The following PTPRG variants were observed in gnomAD, a reference collection of about 807,000 sequenced individuals.
PTPRG encodes receptor-type tyrosine-protein phosphatase gamma.
A neutral mutation model predicts 165.3 loss-of-function variants in PTPRG; 102 were observed. The observed-to-expected ratio is 0.62, with a 90% CI of 0.53 to 0.73. The LOEUF (loss-of-function observed/expected upper bound fraction) is 0.73. Among genes scored for constraint, PTPRG ranks in the 30% least tolerant of loss-of-function variants. The pLI is 0.00. For missense variants in PTPRG, 1,866 were observed against 1,861.4 expected (o/e 1.00, Z -0.05); for synonymous variants, 675 against 669.5 (o/e 1.01, Z -0.13).
intron 2 of PTPRG, among the ~76,000 whole-genome samples, chr3:61,958,448 A>G (rs143874647): frequency 6.6e-6 from 1 of 152,166 alleles, no homozygotes; most frequent in East Asian, 1.9e-4. Context: ...ATTATCTTGA[A>G]TCGGGTAAAA....
At chr3:62,159,931 A>G (rs1704683642) in intron 7 of PTPRG, among the ~76,000 whole-genome samples, 1 of 152,188 alleles carries the variant, frequency 6.6e-6, no homozygotes, top group Non-Finnish European at 1.5e-5. Flanking sequence ...CCATCCAAGT[A>G]TTATCGCTTC....
chr3:61,577,596 A>T (rs1244373399), intron 1 of PTPRG, among the ~76,000 whole-genome samples: 1 of 152,256 alleles, frequency 6.6e-6, no homozygotes, highest in African/African-American at 2.4e-5. Flanking sequence ...TGCCATTGAA[A>T]TTACTGTCAC....
chr3:61,892,829 A>AC (rs1446675906), intron 2 of PTPRG, among the ~76,000 whole-genome samples: 1 of 152,092 alleles, frequency 6.6e-6, no homozygotes, highest in East Asian at 1.9e-4. Flanking sequence ...AAAAAAAAAA[A>AC]AGTACCTGGG....
intron 2 of PTPRG, among the ~76,000 whole-genome samples, chr3:61,930,978 T>G (rs1217182998): frequency 2.6e-5 from 4 of 152,156 alleles, no homozygotes; most frequent in Non-Finnish European, 5.9e-5. Context: ...GAAGAATCAC[T>G]TGAACCTGGG....
At chr3:61,707,439 G>C (rs934591293) in intron 1 of PTPRG, among the ~76,000 whole-genome samples, 1 of 133,424 alleles carries the variant, frequency 7.5e-6, no homozygotes, top group Non-Finnish European at 1.7e-5. Context: ...CCAGCAGGCT[G>C]AAGACCCAGG....
At chr3:62,163,203 C>T (rs1704836639) in intron 7 of PTPRG, among the ~76,000 whole-genome samples, 1 of 152,028 alleles carries the variant, frequency 6.6e-6, no homozygotes, top group Non-Finnish European at 1.5e-5. Flanking sequence ...ATTACAATTC[C>T]ACCTGAGATT....
At chr3:61,770,061 T>G in intron 2 of PTPRG, 1 of 152,196 alleles carries the variant, frequency 6.6e-6, no homozygotes, top group East Asian at 1.9e-4. Flanking sequence ...AGAAGTTTCC[T>G]TATTGCAAAG....
chr3:62,284,221 A>C (rs1457283276), intron 28 of PTPRG, among the ~76,000 whole-genome samples: 1 of 152,154 alleles, frequency 6.6e-6, no homozygotes, highest in Non-Finnish European at 1.5e-5. Flanking sequence ...ATTTTAGGGT[A>C]AGGAAAGAGG....
At chr3:61,864,413 C>G (rs1344735023) in intron 2 of PTPRG, among the ~76,000 whole-genome samples, 1 of 152,096 alleles carries the variant, frequency 6.6e-6, no homozygotes, top group Non-Finnish European at 1.5e-5. Context: ...CTCCTTGTGT[C>G]CCGATCGCTG....
intron 4 of PTPRG, among the ~76,000 whole-genome samples, chr3:62,050,101 A>G (rs1346319908): frequency 3.9e-5 from 6 of 152,220 alleles, no homozygotes. Context: ...TGCAATAGGT[A>G]AAACAATACT....
At chr3:61,925,145 C>T (rs2039176878) in intron 2 of PTPRG, among the ~76,000 whole-genome samples, 2 of 152,212 alleles carry the variant, frequency 1.3e-5, no homozygotes, top group African/African-American at 4.8e-5. Context: ...AAGACAGAAT[C>T]ATAAATAGTA....
At chr3:61,811,647 A>G (rs868528571) in intron 2 of PTPRG, among the ~76,000 whole-genome samples, 4 of 152,192 alleles carry the variant, frequency 2.6e-5, no homozygotes, top group African/African-American at 9.7e-5. Context: ...CTGCTTTTTC[A>G]CAAAACACAA....
At chr3:61,630,358 C>T (rs1245086088) in intron 1 of PTPRG, among the ~76,000 whole-genome samples, 1 of 152,182 alleles carries the variant, frequency 6.6e-6, no homozygotes, top group Non-Finnish European at 1.5e-5. Context: ...TTCCACCATC[C>T]TGTATGAATA....
intron 4 of PTPRG, among the ~76,000 whole-genome samples, chr3:62,049,863 A>G (rs977520238): frequency 3.9e-5 from 6 of 152,230 alleles, no homozygotes; most frequent in Non-Finnish European, 7.3e-5. Flanking sequence ...GTGGCTTTCT[A>G]TAGACTTTCT....
intron 1 of PTPRG, among the ~76,000 whole-genome samples, chr3:61,573,089 G>C (rs1700095841): frequency 6.6e-6 from 1 of 152,198 alleles, no homozygotes; most frequent in African/African-American, 2.4e-5. Flanking sequence ...CAAATGGCCT[G>C]CTCCTTGGAT....
At position 62,132,652 on chromosome 3, in the gene PTPRG, G is replaced by A. The variant is rs144784343; in HGVS notation, c.666G>A (p.Lys222=). The A allele has an allele frequency of 8.3e-5, 134 of 1,611,712 alleles. 1 individual carries two copies. The Middle Eastern group carries it at 1.3e-3, about 16-fold the overall frequency. Residue 222 remains lysine (K), a synonymous_variant, in exon 6 of 30, where the codon AAG becomes AAA. Coordinates refer to ENST00000474889, the MANE Select transcript of PTPRG (RefSeq NM_002841.4). ...TGGATCCTATTATCCACGGGTTGAA[G>A]GGTGTCGTACATCATGGTAAGTATG... ...SALDPIIHGL[K]GVVHHEKETF... is the part of the protein sequence containing the mutation.
At chr3:62,084,195 A>G (rs1030632033) in intron 5 of PTPRG, among the ~76,000 whole-genome samples, 3 of 152,222 alleles carry the variant, frequency 2.0e-5, no homozygotes. Flanking sequence ...CCAGAGATCT[A>G]GTCAATAGGT....
At chr3:62,069,086 G>T (rs1007065526) in intron 4 of PTPRG, among the ~76,000 whole-genome samples, 7 of 152,204 alleles carry the variant, frequency 4.6e-5, no homozygotes, top group Non-Finnish European at 8.8e-5. Context: ...TGGCTAGCCT[G>T]TGGAAATGGT....
intron 28 of PTPRG, among the ~76,000 whole-genome samples, chr3:62,291,202 A>G (rs139177076): frequency 3.3e-5 from 5 of 152,294 alleles, no homozygotes; most frequent in Admixed American, 3.3e-4. Flanking sequence ...CAGATTGGCA[A>G]AAGTGTTTCA....
Sources: allele counts gnomAD v4.1 joint callset (sites outside exome capture counted in the v4.1 genomes callset), GRCh38; gene constraint gnomAD v4.1.1; transcripts MANE v1.5; gene names NCBI Gene and HGNC (gene_info 2026-07-23, HGNC 2026-07-21).